Variants in STXBP5 observed in about 807,000 individuals in gnomAD.
The protein encoded by STXBP5 is syntaxin binding protein 5.
STXBP5 carries 50 observed loss-of-function variants against 152.4 expected under a neutral mutation model. The ratio of observed to expected loss-of-function variants is 0.33; its 90% confidence interval spans 0.26 to 0.42. The LOEUF is 0.42. STXBP5 is among the 10% of genes least tolerant of loss of function. The pLI, the probability that STXBP5 is intolerant of heterozygous loss-of-function variation, is 1.00. For missense variants in STXBP5, 1,167 were observed against 1,388.6 expected (o/e 0.84, Z 2.54); for synonymous variants, 492 against 494.7 (o/e 0.99, Z 0.07).
chr6:147,210,428 A>G (rs962928836), intron 2 of STXBP5, among the ~76,000 whole-genome samples: 11 of 151,908 alleles, frequency 7.2e-5, no homozygotes, highest in African/African-American at 2.2e-4. Context: ...TGATTTCCAG[A>G]ATTTTGTTAC....
intron 17 of STXBP5, among the ~76,000 whole-genome samples, chr6:147,326,403 A>C (rs1444275226): frequency 6.6e-6 from 1 of 152,148 alleles, no homozygotes. Flanking sequence ...TAGAGCTCCA[A>C]CTTAAAAATC....
At chr6:147,260,313 A>C (rs1448605182) in intron 4 of STXBP5, among the ~76,000 whole-genome samples, 2 of 151,904 alleles carry the variant, frequency 1.3e-5, no homozygotes, top group East Asian at 3.9e-4. Flanking sequence ...TATGGCCTAA[A>C]GGGTAAATGT....
At chr6:147,308,615 T>C (rs761571369) in intron 9 of STXBP5, among the ~76,000 whole-genome samples, 7 of 152,096 alleles carry the variant, frequency 4.6e-5, no homozygotes, top group Admixed American at 4.6e-4. Flanking sequence ...AATAAATTTG[T>C]GTAGTGATAA....
At chr6:147,226,171 C>T (rs1418930824) in intron 2 of STXBP5, among the ~76,000 whole-genome samples, 1 of 151,838 alleles carries the variant, frequency 6.6e-6, no homozygotes, top group African/African-American at 2.4e-5. Context: ...GGGGTAGTGG[C>T]AAGTGCCTGT....
In STXBP5 at chr6:147,310,084, G is replaced by T; in HGVS notation, c.918G>T (p.Gly306=). 2.0e-6 allele frequency: 3 copies of T among 1,522,626 alleles called. No homozygotes were observed. Among genetic ancestry groups the T allele is most frequent in the Non-Finnish European group, 1.8e-6 (2 of 1,139,220 alleles). The allele number at this position is 1,522,626 out of a possible 1,614,324, so 94.3% of individuals were successfully genotyped here. ...LKVEFKTTRS[G]EPFIILSGGL... is the part of the protein sequence containing the mutation. ...ATCTTAATATGTATTTTATTTCCAG[G>T]GAGCCTTTTATTATTTTATCAGGAG... is the stretch of plus-strand genomic sequence containing the variant. Residue 306 remains glycine (G), a splice_region_variant and synonymous_variant, in exon 10 of 28, where the codon GGG becomes GGT. Transcript: ENST00000321680.
At chr6:147,331,482 C>T (rs1783566216) in intron 18 of STXBP5, among the ~76,000 whole-genome samples, 1 of 152,126 alleles carries the variant, frequency 6.6e-6, no homozygotes, top group African/African-American at 2.4e-5. Flanking sequence ...GGATATTTCT[C>T]TGAAGCTCAG....
intron 18 of STXBP5, among the ~76,000 whole-genome samples, chr6:147,329,443 A>AGCTCCGCCTCCCGGGTTC (rs1783440272): frequency 6.6e-6 from 1 of 150,606 alleles, no homozygotes; most frequent in Non-Finnish European, 1.5e-5. Context: ...ACATCTTAAG[A>AGCTCCGCCTCCCGGGTTC]ATATTTCTGA....
intron 4 of STXBP5, among the ~76,000 whole-genome samples, chr6:147,247,855 T>C (rs898228223): frequency 6.6e-6 from 1 of 152,166 alleles, no homozygotes; most frequent in African/African-American, 2.4e-5. Context: ...GGAAATATAT[T>C]TAAAGAGACT....
chr6:147,354,839 C>T lies in STXBP5; in HGVS notation c.2305+1466C>T, dbSNP rs555165340. Among the ~76,000 whole-genome samples the T allele has an allele frequency of 4.1e-4, 62 of 152,220 alleles. 1 individual carries two copies. In the South Asian group the frequency reaches 0.013, roughly 31 times the overall value. On this transcript the variant is annotated intron_variant, in intron 22 of 27. Coordinates refer to ENST00000321680, the MANE Select transcript of STXBP5 (RefSeq NM_001127715.4). The stretch of plus-strand genomic sequence containing the variant: ...CAATTATAACTTTGACTAATGTATA[C>T]CTGTAACATTCCTGTGTTGCCTAAG...
chr6:147,219,185 T>A (rs1486022181), intron 2 of STXBP5, among the ~76,000 whole-genome samples: 1 of 152,208 alleles, frequency 6.6e-6, no homozygotes, highest in Non-Finnish European at 1.5e-5. Flanking sequence ...TCAGTTGATA[T>A]AATCATGTGA....
In STXBP5 at chr6:147,220,442, G is replaced by GAACAGGA. The variant is rs529703988; in HGVS notation, c.248+14374_248+14375insAACAGGA. On this transcript the variant is annotated intron_variant, in intron 2 of 27. Coordinates refer to ENST00000321680, the MANE Select transcript of STXBP5 (RefSeq NM_001127715.4). Reference sequence around the variant, plus strand: ...CTCTGTTGGCACTTTTTTTCTGCCTGCTGGATCTGTCCATTTCTGATAGAG... The same window carrying GAACAGGA: ...CTCTGTTGGCACTTTTTTTCTGCCTGAACAGGACTGGATCTGTCCATTTCTGATAGAG... Among the ~76,000 whole-genome samples, 67 of 152,162 alleles carry GAACAGGA rather than the reference G, an allele frequency of 4.4e-4. No homozygotes were observed. In the South Asian group the frequency reaches 0.012, roughly 28 times the overall value.
intron 24 of STXBP5, 48 bp downstream of exon 24, chr6:147,363,752 C>T (rs778591025): frequency 1.3e-6 from 2 of 1,548,670 alleles, no homozygotes; most frequent in Admixed American, 3.9e-5. Flanking sequence ...TTTCCTCCCT[C>T]AAACTATACT....
At chr6:147,231,331 G>A (rs1040927749) in intron 2 of STXBP5, among the ~76,000 whole-genome samples, 13 of 151,662 alleles carry the variant, frequency 8.6e-5, no homozygotes, top group African/African-American at 2.7e-4. Context: ...TCATAAATAC[G>A]CCAGTGATAA....
At chr6:147,290,473 T>C (rs983175523) in intron 8 of STXBP5, among the ~76,000 whole-genome samples, 4 of 152,220 alleles carry the variant, frequency 2.6e-5, no homozygotes, top group Non-Finnish European at 4.4e-5. Flanking sequence ...ATAAATGTTT[T>C]ATTTTCTTTA....
chr6:147,215,771 A>G (rs1777135772), intron 2 of STXBP5, among the ~76,000 whole-genome samples: 1 of 152,012 alleles, frequency 6.6e-6, no homozygotes, highest in Non-Finnish European at 1.5e-5. Flanking sequence ...ATCTTGTGAG[A>G]GGTGTGTTAT....
intron 2 of STXBP5, among the ~76,000 whole-genome samples, chr6:147,226,473 T>C (rs938404784): frequency 6.6e-6 from 1 of 152,082 alleles, no homozygotes; most frequent in African/African-American, 2.4e-5. Flanking sequence ...TTCCACACTC[T>C]AGGATGGAAG....
chr6:147,380,991 G>A (rs1786057557), intron 26 of STXBP5, among the ~76,000 whole-genome samples: 1 of 152,118 alleles, frequency 6.6e-6, no homozygotes, highest in Non-Finnish European at 1.5e-5. Context: ...AGACCAAGGA[G>A]GAGCAAAAGC....
intron 7 of STXBP5, among the ~76,000 whole-genome samples, chr6:147,272,194 T>C (rs1186014333): frequency 6.6e-6 from 1 of 152,102 alleles, no homozygotes; most frequent in African/African-American, 2.4e-5. Flanking sequence ...TAATACCTGT[T>C]GTACTTAGAC....
intron 4 of STXBP5, among the ~76,000 whole-genome samples, chr6:147,249,477 G>T (rs1281958786): frequency 6.6e-6 from 1 of 152,144 alleles, no homozygotes; most frequent in African/African-American, 2.4e-5. Flanking sequence ...GTGGTTCCTT[G>T]TTGTATAGTG....
Sources: gnomAD v4.1 joint callset for allele counts (sites outside exome capture counted in the v4.1 genomes callset) on GRCh38, gnomAD v4.1.1 for gene constraint, MANE v1.5 for transcripts, NCBI Gene and HGNC (gene_info 2026-07-23, HGNC 2026-07-21) for gene names.